LPGAT1: variants seen among roughly 807,000 people sequenced by gnomAD.
LPGAT1 encodes the protein acyl-CoA:lysophosphatidylglycerol acyltransferase 1.
A neutral mutation model predicts 47.5 loss-of-function variants in LPGAT1; 11 were observed. The ratio of observed to expected loss-of-function variants is 0.23; its 90% confidence interval spans 0.15 to 0.38. The LOEUF is 0.38. Ranked by LOEUF, LPGAT1 falls within the 10% of genes least tolerant of loss-of-function variation. The pLI is 1.00. For missense variants in LPGAT1, 293 were observed against 439.0 expected, an observed-to-expected ratio of 0.67 and a Z score of 2.97; for synonymous variants, 138 against 144.2, an observed-to-expected ratio of 0.96 and a Z score of 0.31.
chr1:211,789,404 A>G lies in LPGAT1; in HGVS notation c.358-1677T>C, dbSNP rs74441922. Reference sequence around the variant, plus strand: ...GGGTCACTTAAAACATAAATTCAGTAAAGATACCCAAACTATTTCCTGAGA... The same window carrying G: ...GGGTCACTTAAAACATAAATTCAGTGAAGATACCCAAACTATTTCCTGAGA... On this transcript the variant is annotated intron_variant, in intron 3 of 7. Transcript: ENST00000366997. 3.1e-3 allele frequency among the ~76,000 whole-genome samples: 472 copies of G among 152,328 alleles called. 1 individual carries two copies. Among genetic ancestry groups the G allele is most frequent in the African/African-American group, 0.011 (450 of 41,582 alleles).
intron 6 of LPGAT1, among the ~76,000 whole-genome samples, chr1:211,756,913 T>C (rs1657485256): frequency 6.6e-6 from 1 of 151,452 alleles, no homozygotes; most frequent in Non-Finnish European, 1.5e-5. Flanking sequence ...TCTTTGCTTT[T>C]TGGGCACAAT....
intron 5 of LPGAT1, among the ~76,000 whole-genome samples, chr1:211,781,770 T>C (rs1658653360): frequency 6.6e-6 from 1 of 152,222 alleles, no homozygotes; most frequent in African/African-American, 2.4e-5. Context: ...TTCAGCTTTC[T>C]AACTTATAAT....
intron 2 of LPGAT1, among the ~76,000 whole-genome samples, chr1:211,803,896 C>G (rs531621777): frequency 6.6e-6 from 1 of 151,652 alleles, no homozygotes; most frequent in Admixed American, 6.6e-5. Flanking sequence ...GAAGCTGGGA[C>G]CGCCAGCATG....
chr1:211,774,094 G>A (rs1571714017), intron 6 of LPGAT1, among the ~76,000 whole-genome samples: 3 of 130,596 alleles, frequency 2.3e-5, no homozygotes, highest in African/African-American at 8.7e-5. Flanking sequence ...TAATAATGGT[G>A]CTTTATATTT....
chr1:211,796,705 T>C (rs1481615916), intron 2 of LPGAT1, among the ~76,000 whole-genome samples: 4 of 152,234 alleles, frequency 2.6e-5, no homozygotes, highest in South Asian at 2.1e-4. Flanking sequence ...CCCAAAATTA[T>C]AGTCTTTCTT....
At chr1:211,797,090 T>C (rs1004980959) in intron 2 of LPGAT1, among the ~76,000 whole-genome samples, 10 of 151,988 alleles carry the variant, frequency 6.6e-5, no homozygotes, top group Non-Finnish European at 7.4e-5. Flanking sequence ...ACCCTGTCTC[T>C]TCTAAAAATT....
At chr1:211,796,289 G>A (rs1422599521) in intron 2 of LPGAT1, among the ~76,000 whole-genome samples, 2 of 152,066 alleles carry the variant, frequency 1.3e-5, no homozygotes, top group African/African-American at 4.8e-5. Flanking sequence ...GAATCAAGAT[G>A]AGGTCATACT....
In LPGAT1 at chr1:211,769,429, G is replaced by A. The variant is rs140796411; in HGVS notation, c.854+9489C>T. On this transcript the variant is annotated intron_variant, in intron 6 of 7. Transcript: ENST00000366997. ...GTATATATTTTTAGGAAAATCCACA[G>A]TTCAGTTTGAGAGAGTGTTATGGGA... Among the ~76,000 whole-genome samples, 10 of 152,260 alleles carry A rather than the reference G, an allele frequency of 6.6e-5. No individual in the cohort carries two copies. In the East Asian group the frequency reaches 1.9e-3, roughly 29 times the overall value.
chr1:211,781,045 G>C (rs1223243166), intron 5 of LPGAT1, among the ~76,000 whole-genome samples: 1 of 152,004 alleles, frequency 6.6e-6, no homozygotes, highest in Non-Finnish European at 1.5e-5. Flanking sequence ...AAACACAAAG[G>C]CATGGTTTGC....
intron 4 of LPGAT1, among the ~76,000 whole-genome samples, chr1:211,786,590 C>T (rs1658887124): frequency 6.6e-6 from 1 of 152,176 alleles, no homozygotes; most frequent in African/African-American, 2.4e-5. Context: ...CTAAACTATT[C>T]CTAATGCTTG....
chr1:211,759,608 T>C (rs997740331), intron 6 of LPGAT1, among the ~76,000 whole-genome samples: 3 of 152,246 alleles, frequency 2.0e-5, no homozygotes, highest in Non-Finnish European at 4.4e-5. Flanking sequence ...TTTAGATTAC[T>C]GATTTTTAGC....
intron 6 of LPGAT1, among the ~76,000 whole-genome samples, chr1:211,778,714 G>A (rs1441714398): frequency 6.6e-6 from 1 of 152,096 alleles, no homozygotes; most frequent in East Asian, 1.9e-4. Flanking sequence ...TAATCATAGT[G>A]CCTCTAGAAT....
At chr1:211,767,613 G>A (rs1021685862) in intron 6 of LPGAT1, among the ~76,000 whole-genome samples, 2 of 152,136 alleles carry the variant, frequency 1.3e-5, no homozygotes, top group Non-Finnish European at 1.5e-5. Context: ...GACTGATGGC[G>A]AAAAACATAC....
intron 2 of LPGAT1, among the ~76,000 whole-genome samples, chr1:211,809,479 T>A (rs1659886272): frequency 6.6e-6 from 1 of 152,224 alleles, no homozygotes; most frequent in South Asian, 2.1e-4. Flanking sequence ...TTTAGCAGTA[T>A]CGGCCTTAGA....
intron 6 of LPGAT1, among the ~76,000 whole-genome samples, chr1:211,767,653 A>T (rs879607450): frequency 1.3e-5 from 2 of 152,204 alleles, no homozygotes; most frequent in African/African-American, 2.4e-5. Flanking sequence ...CAGGATATGG[A>T]GGCAAAGCAA....
intron 6 of LPGAT1, among the ~76,000 whole-genome samples, chr1:211,774,748 T>C (rs1658327295): frequency 6.6e-6 from 1 of 152,224 alleles, no homozygotes; most frequent in South Asian, 2.1e-4. Flanking sequence ...ATATAACATG[T>C]CATCTCTTCT....
intron 2 of LPGAT1, among the ~76,000 whole-genome samples, chr1:211,797,317 T>C (rs1429960535): frequency 4.2e-5 from 6 of 141,976 alleles, no homozygotes; most frequent in African/African-American, 1.4e-4. Flanking sequence ...TTTTCTTTTT[T>C]TTTTTTTTTT....
intron 6 of LPGAT1, among the ~76,000 whole-genome samples, chr1:211,765,325 AT>A (rs1041295723): frequency 6.6e-6 from 1 of 151,940 alleles, no homozygotes; most frequent in Non-Finnish European, 1.5e-5. Context: ...TTTTTCTGTC[AT>A]TTTTTTCACT....
chr1:211,758,563 C>G (rs1657560353), intron 6 of LPGAT1, among the ~76,000 whole-genome samples: 1 of 152,014 alleles, frequency 6.6e-6, no homozygotes, highest in African/African-American at 2.4e-5. Context: ...ATAAACCGGG[C>G]ATGGTGGTGG....
Sources: gnomAD v4.1 joint callset for allele counts (sites outside exome capture counted in the v4.1 genomes callset) on GRCh38, gnomAD v4.1.1 for gene constraint, MANE v1.5 for transcripts, NCBI Gene and HGNC (gene_info 2026-07-23, HGNC 2026-07-21) for gene names.